UBE3D: variants seen among roughly 807,000 people sequenced by gnomAD.
UBE3D encodes the protein E3 ubiquitin-protein ligase E3D.
UBE3D carries 48 observed loss-of-function variants against 49.6 expected under a neutral mutation model. The ratio of observed to expected loss-of-function variants is 0.97; its 90% CI spans 0.77 to 1.23. The LOEUF (loss-of-function observed/expected upper bound fraction) is 1.23. Among genes scored for constraint, UBE3D ranks in the 50% most tolerant of loss-of-function variants. The pLI, the probability that UBE3D is intolerant of heterozygous loss-of-function variation, is 0.00. For missense variants in UBE3D, 452 were observed against 468.4 expected (o/e 0.96, Z 0.32); for synonymous variants, 189 against 174.2 (o/e 1.08, Z -0.67).
At chr6:82,984,798 G>C (rs1778347318) in intron 8 of UBE3D, among the ~76,000 whole-genome samples, 1 of 151,698 alleles carries the variant, frequency 6.6e-6, no homozygotes, top group South Asian at 2.1e-4. Context: ...AAATTATAAA[G>C]AGTTTTTCAT....
At chr6:83,022,656 A>G in intron 6 of UBE3D, 95 bp from the exon 7 acceptor site, 1 of 758,618 alleles carries the variant, frequency 1.3e-6, no homozygotes, top group South Asian at 2.5e-5. Flanking sequence ...CCTAAAAGGC[A>G]GACATATCCA....
chr6:82,996,712 C>G (rs996723027), intron 8 of UBE3D, among the ~76,000 whole-genome samples: 5 of 152,126 alleles, frequency 3.3e-5, no homozygotes, highest in Admixed American at 6.5e-5. Flanking sequence ...AACCCACAAC[C>G]CAGTCTAATC....
chr6:82,957,267 A>G (rs549468632), intron 9 of UBE3D, 45 bp downstream of exon 9: 2 of 1,597,620 alleles, frequency 1.3e-6, no homozygotes, highest in South Asian at 1.1e-5. Context: ...AATAATTCCA[A>G]GTAAAACTGA....
rs753878017 is a variant in UBE3D, at chr6:82,957,362, T to C, written c.1099A>G (p.Lys367Glu). 1.2e-6 allele frequency: 2 copies of C among 1,614,080 alleles called. No homozygotes were observed. Among genetic ancestry groups the C allele is most frequent in the South Asian group, 1.1e-5 (1 of 91,076 alleles). Residue 367 changes from lysine to glutamate, a missense_variant, in exon 9 of 10, where the codon AAG (lysine) becomes GAG (glutamate). Lys to Glu is a moderately conservative substitution (Grantham distance 56). Coordinates refer to ENST00000369747, the MANE Select transcript of UBE3D (RefSeq NM_198920.3). The stretch of plus-strand genomic sequence containing the variant: ...GATGAAGGCAGATTGGCATTACTCT[T>C]TGACAATATCAACAGCAGCTCCAAG... ...TCLELLLILS[K>E]SNANLPSSLR...
intron 8 of UBE3D, among the ~76,000 whole-genome samples, chr6:82,983,395 A>G (rs959157393): frequency 2.0e-5 from 3 of 149,490 alleles, no homozygotes; most frequent in African/African-American, 7.5e-5. Context: ...TACATGCTAC[A>G]TCCTGAGATC....
intron 8 of UBE3D, among the ~76,000 whole-genome samples, chr6:82,983,612 C>G (rs1450356582): frequency 6.6e-6 from 1 of 151,926 alleles, no homozygotes; most frequent in Non-Finnish European, 1.5e-5. Flanking sequence ...CAGGACTAAA[C>G]AGTTTTATTT....
downstream of UBE3D, among the ~76,000 whole-genome samples, chr6:82,887,437 G>A (rs1158680537): frequency 1.4e-4 from 19 of 137,424 alleles, no homozygotes; most frequent in African/African-American, 4.1e-4. Flanking sequence ...GGCTGGGCGC[G>A]GTGGCTCACA....
Position 82,917,511 on chromosome 6 carries a change from C to T in UBE3D, c.1150-24469G>A, listed in dbSNP as rs190019243. 5.0e-4 allele frequency among the ~76,000 whole-genome samples: 76 copies of T among 152,250 alleles called. No individual in the cohort carries two copies. In the East Asian group the frequency reaches 7.5e-3, roughly 15 times the overall value. ...CATGCCGATAGGGAAGGAAAGAGGG[C>T]AAAGGTGAAATTCCTAAGAGGCATG... On this transcript the variant is annotated intron_variant, in intron 9 of 9. Coordinates refer to ENST00000369747, the MANE Select transcript of UBE3D (RefSeq NM_198920.3).
chr6:82,976,707 T>C (rs558783085), intron 8 of UBE3D, among the ~76,000 whole-genome samples: 1 of 152,166 alleles, frequency 6.6e-6, no homozygotes, highest in Non-Finnish European at 1.5e-5. Context: ...TACTCCTCTA[T>C]TGTCTTGGAA....
At chr6:83,025,436 ATTT>A (rs57648092) in intron 5 of UBE3D, among the ~76,000 whole-genome samples, 1 of 150,126 alleles carries the variant, frequency 6.7e-6, no homozygotes, top group East Asian at 2.0e-4. Flanking sequence ...TCAAAATAAG[ATTT>A]TTTTTTTTTG....
At chr6:83,024,072 A>C in intron 5 of UBE3D, 34 bp from the exon 6 acceptor site, 4 of 1,191,378 alleles carry the variant, frequency 3.4e-6, no homozygotes, top group Non-Finnish European at 4.7e-6. Flanking sequence ...GACTCTCCCC[A>C]ATACACTAAT....
chr6:82,997,671 A>G (rs775436181), intron 8 of UBE3D, among the ~76,000 whole-genome samples: 2 of 152,204 alleles, frequency 1.3e-5, no homozygotes, highest in Non-Finnish European at 2.9e-5. Context: ...GTGAGCCGAG[A>G]TGGTGCCACT....
At chr6:82,885,599 T>C in the UBE3D span, among the ~76,000 whole-genome samples, 1 of 152,180 alleles carries the variant, frequency 6.6e-6, no homozygotes, top group Non-Finnish European at 1.5e-5. Flanking sequence ...GCAGGCAGAT[T>C]CTAGAACCCT....
Position 83,065,637 on chromosome 6 carries a change from C to T in UBE3D, c.77+5G>A. The stretch of plus-strand genomic sequence containing the variant: ...GGGCACTGCGCCTAGAATCCCAGTT[C>T]TTACCCCAGGATCAGAAGCGCGCTC... On this transcript the variant is annotated splice_donor_5th_base_variant and intron_variant, in intron 1 of 9. Coordinates refer to ENST00000369747, the MANE Select transcript of UBE3D (RefSeq NM_198920.3). The T allele has an allele frequency of 6.2e-7, 1 of 1,613,928 alleles. No homozygotes were observed. The highest frequency in any genetic ancestry group is 8.5e-7 in the Non-Finnish European group (1 of 1,179,900).
At chr6:83,047,283 G>A (rs1279838804) in intron 3 of UBE3D, among the ~76,000 whole-genome samples, 2 of 152,146 alleles carry the variant, frequency 1.3e-5, no homozygotes, top group African/African-American at 4.8e-5. Context: ...AATGATCCTT[G>A]GTTGGTAAAC....
intron 1 of UBE3D, chr6:83,063,107 C>T (rs1336704242): frequency 1.3e-5 from 3 of 237,312 alleles, no homozygotes; most frequent in African/African-American, 7.1e-5. Context: ...TTCTGTTCAT[C>T]AAAGGACACT....
chr6:83,046,673 G>GGA (rs1281511342), intron 3 of UBE3D, among the ~76,000 whole-genome samples: 1 of 12,510 alleles, frequency 8.0e-5, no homozygotes, highest in African/African-American at 1.3e-4. Context: ...TGCAGTTGGC[G>GGA]GGGGGGGTGG....
chr6:83,039,629 T>C (rs900186011), intron 4 of UBE3D, among the ~76,000 whole-genome samples: 4 of 147,850 alleles, frequency 2.7e-5, no homozygotes, highest in Admixed American at 6.7e-5. Flanking sequence ...CTGTGTTTTG[T>C]TTTTTTTTGT....
rs183902372 is a variant in UBE3D, at chr6:83,027,717, G to A, written c.668-3679C>T. On this transcript the variant is annotated intron_variant, in intron 5 of 9. Transcript: ENST00000369747. Reference sequence around the variant, plus strand: ...CACTTTTTATTCTACAGTATTACTCGCATGTGTCTAAGTATGGATTTCTTT... The same window carrying A: ...CACTTTTTATTCTACAGTATTACTCACATGTGTCTAAGTATGGATTTCTTT... Among the ~76,000 whole-genome samples, 9 of 152,080 alleles carry A rather than the reference G, an allele frequency of 5.9e-5. No individual in the cohort carries two copies. The South Asian group carries it at 1.7e-3, about 28-fold the overall frequency.
Sources: allele counts gnomAD v4.1 joint callset (sites outside exome capture counted in the v4.1 genomes callset), GRCh38; gene constraint gnomAD v4.1.1; transcripts MANE v1.5; gene names NCBI Gene and HGNC (gene_info 2026-07-23, HGNC 2026-07-21).